Variants in ADAM12 observed in about 807,000 individuals in gnomAD.
ADAM12 encodes disintegrin and metalloproteinase domain-containing protein 12.
ADAM12 carries 70 observed loss-of-function variants against 106.4 expected under a neutral mutation model. That is an observed-to-expected ratio of 0.66 (90% CI 0.54 to 0.80). ADAM12 has a LOEUF of 0.80. Ranked by LOEUF, ADAM12 falls within the 30% of genes least tolerant of loss-of-function variation. The pLI is 0.00. For synonymous variants in ADAM12, 420 were observed against 433.5 expected (o/e 0.97, Z 0.39); for missense variants, 1,010 against 1,171.9 (o/e 0.86, Z 2.02).
chr10:126,253,110 C>G (rs1225267961), intron 3 of ADAM12, among the ~76,000 whole-genome samples: 3 of 152,202 alleles, frequency 2.0e-5, no homozygotes, highest in Non-Finnish European at 4.4e-5. Flanking sequence ...AGGACTGTGC[C>G]AAAATATGCT....
At chr10:126,075,755 G>A (rs1434483436) in intron 11 of ADAM12, among the ~76,000 whole-genome samples, 1 of 152,088 alleles carries the variant, frequency 6.6e-6, no homozygotes, top group East Asian at 1.9e-4. Flanking sequence ...GAAACAGTCT[G>A]CTCTTCCTGC....
intron 18 of ADAM12, among the ~76,000 whole-genome samples, 180 bp from the exon 19 acceptor site, chr10:126,039,609 T>C (rs1439746656): frequency 1.3e-5 from 2 of 152,246 alleles, no homozygotes; most frequent in Non-Finnish European, 2.9e-5. Flanking sequence ...GTTCAATCTA[T>C]GTTACCATCA....
chr10:126,169,758 C>G (rs1957086432), intron 3 of ADAM12, among the ~76,000 whole-genome samples: 1 of 152,160 alleles, frequency 6.6e-6, no homozygotes, highest in African/African-American at 2.4e-5. Context: ...AATGGCATTT[C>G]CTTAACTTCC....
At chr10:126,268,437 G>GAT (rs1262892411) in intron 3 of ADAM12, among the ~76,000 whole-genome samples, 1 of 152,100 alleles carries the variant, frequency 6.6e-6, no homozygotes, top group Non-Finnish European at 1.5e-5. Flanking sequence ...CACGAATGTG[G>GAT]GTGTACAAAT....
intron 3 of ADAM12, among the ~76,000 whole-genome samples, chr10:126,203,904 G>T (rs556407752): frequency 3.3e-5 from 5 of 151,762 alleles, no homozygotes; most frequent in Non-Finnish European, 1.5e-5. Flanking sequence ...TATTCTTGGA[G>T]AAATCAAGCA....
At chr10:126,027,988 CAA>C (rs952715984) in intron 21 of ADAM12, among the ~76,000 whole-genome samples, 6 of 152,182 alleles carry the variant, frequency 3.9e-5, no homozygotes, top group African/African-American at 1.4e-4. Flanking sequence ...GCAATTTCAA[CAA>C]AGTCTCAGTA....
intron 3 of ADAM12, among the ~76,000 whole-genome samples, chr10:126,258,136 C>T (rs1166451266): frequency 2.0e-5 from 3 of 152,134 alleles, no homozygotes; most frequent in African/African-American, 7.2e-5. Context: ...TGTCTACTGA[C>T]AATATTTAAT....
chr10:126,228,251 T>A (rs967822821), intron 3 of ADAM12, among the ~76,000 whole-genome samples: 1 of 152,330 alleles, frequency 6.6e-6, no homozygotes, highest in Non-Finnish European at 1.5e-5. Context: ...ACGATTGGTA[T>A]TAACAAAGGC....
chr10:126,175,857 G>T (rs1438428926), intron 3 of ADAM12, among the ~76,000 whole-genome samples: 1 of 152,202 alleles, frequency 6.6e-6, no homozygotes, highest in Non-Finnish European at 1.5e-5. Context: ...GACTTCCCTG[G>T]GGGTTCAAGC....
intron 3 of ADAM12, among the ~76,000 whole-genome samples, chr10:126,225,968 T>A (rs1958186428): frequency 1.3e-5 from 2 of 152,010 alleles, no homozygotes; most frequent in Non-Finnish European, 2.9e-5. Flanking sequence ...GGAGCAAAGT[T>A]TATCAAACAT....
At chr10:126,164,108 A>C (rs1196941760) in intron 3 of ADAM12, among the ~76,000 whole-genome samples, 1 of 152,256 alleles carries the variant, frequency 6.6e-6, no homozygotes, top group East Asian at 1.9e-4. Context: ...AATGAGGGAA[A>C]CAGGGAAAGA....
intron 4 of ADAM12, among the ~76,000 whole-genome samples, chr10:126,136,789 G>C (rs1041324727): frequency 6.6e-6 from 1 of 152,200 alleles, no homozygotes; most frequent in Non-Finnish European, 1.5e-5. Context: ...GATGAAAGGA[G>C]GGTGATAGGG....
chr10:126,139,652 T>G (rs1450171105), intron 4 of ADAM12, among the ~76,000 whole-genome samples: 39 of 143,586 alleles, frequency 2.7e-4, no homozygotes, highest in Admixed American at 2.6e-3. Context: ...GCGCTGGGGG[T>G]GGGGAGTGGC....
chr10:126,251,275 T>C (rs2133682278), intron 3 of ADAM12, among the ~76,000 whole-genome samples: 1 of 152,356 alleles, frequency 6.6e-6, no homozygotes, highest in South Asian at 2.1e-4. Flanking sequence ...TCCTCTCTGC[T>C]TAAGTCAGCA....
At chr10:126,168,870 T>C (rs961718068) in intron 3 of ADAM12, among the ~76,000 whole-genome samples, 3 of 151,940 alleles carry the variant, frequency 2.0e-5, no homozygotes, top group African/African-American at 7.3e-5. Context: ...CTGGCCAACA[T>C]GGTGAAACTC....
chr10:126,139,474 C>A (rs950879983), intron 4 of ADAM12, among the ~76,000 whole-genome samples: 2 of 152,064 alleles, frequency 1.3e-5, no homozygotes, highest in Non-Finnish European at 2.9e-5. Context: ...CAGTTTGTAG[C>A]GTATCTTTTT....
intron 4 of ADAM12, among the ~76,000 whole-genome samples, chr10:126,146,745 T>A (rs552039343): frequency 3.9e-5 from 6 of 152,192 alleles, no homozygotes; most frequent in Admixed American, 3.9e-4. Context: ...TATTTTCCTA[T>A]GATCTCTAGT....
At chr10:126,235,858 A>C (rs1320663380) in intron 3 of ADAM12, among the ~76,000 whole-genome samples, 1 of 152,186 alleles carries the variant, frequency 6.6e-6, no homozygotes, top group Non-Finnish European at 1.5e-5. Flanking sequence ...GTAAGCAAGA[A>C]GCAGGGTGTG....
At chr10:126,196,078 T>A (rs1357323905) in intron 3 of ADAM12, among the ~76,000 whole-genome samples, 1 of 152,160 alleles carries the variant, frequency 6.6e-6, no homozygotes, top group Non-Finnish European at 1.5e-5. Context: ...AAGAGTGGGG[T>A]AACTGCAACA....
Sources: allele counts gnomAD v4.1 joint callset (sites outside exome capture counted in the v4.1 genomes callset), GRCh38; gene constraint gnomAD v4.1.1; transcripts MANE v1.5; gene names NCBI Gene and HGNC (gene_info 2026-07-23, HGNC 2026-07-21).